CC2D2A: variants seen among roughly 807,000 people sequenced by gnomAD.
CC2D2A encodes the protein coiled-coil and C2 domain-containing protein 2A.
Under a neutral mutation model 212.9 loss-of-function variants are expected in CC2D2A, and 155 were observed. The observed-to-expected ratio is 0.73, with a 90% confidence interval of 0.64 to 0.83. The LOEUF (loss-of-function observed/expected upper bound fraction) is 0.83. Ranked by LOEUF, CC2D2A falls within the 40% of genes least tolerant of loss-of-function variation. The pLI is 0.00. For missense variants in CC2D2A, 1,856 were observed against 1,956.2 expected (o/e 0.95, Z 0.97); for synonymous variants, 667 against 686.5 (o/e 0.97, Z 0.44).
At chr4:15,505,668 C>T (rs1259731595) in intron 6 of CC2D2A, among the ~76,000 whole-genome samples, 2 of 152,192 alleles carry the variant, frequency 1.3e-5, no homozygotes, top group Non-Finnish European at 2.9e-5. Flanking sequence ...AAAATTAGTC[C>T]ATGGCTTTCT....
At chr4:15,530,225 C>G (rs1294935253) in intron 13 of CC2D2A, among the ~76,000 whole-genome samples, 1 of 152,170 alleles carries the variant, frequency 6.6e-6, no homozygotes, top group Non-Finnish European at 1.5e-5. Context: ...CCCGCCTTGG[C>G]CTCCCAAAGT....
intron 27 of CC2D2A, 39 bp from the exon 28 acceptor site, chr4:15,570,359 G>C: frequency 1.6e-6 from 2 of 1,255,942 alleles, no homozygotes; most frequent in Non-Finnish European, 2.3e-6. Context: ...TGAGTTTCTG[G>C]AGTTCTTAAG....
chr4:15,504,887 AT>A, intron 6 of CC2D2A, among the ~76,000 whole-genome samples: 1 of 152,346 alleles, frequency 6.6e-6, no homozygotes. Flanking sequence ...TATACTGTTC[AT>A]CAAAAAATAT....
intron 1 of CC2D2A, among the ~76,000 whole-genome samples, chr4:15,470,999 G>A (rs1420728177): frequency 6.6e-6 from 1 of 151,928 alleles, no homozygotes; most frequent in Non-Finnish European, 1.5e-5. Context: ...AAATGCACTG[G>A]TCATATATCA....
At chr4:15,500,099 GTGTGTGTGTATATATATATA>G (rs1210224174) in intron 4 of CC2D2A, among the ~76,000 whole-genome samples, 1 of 69,818 alleles carries the variant, frequency 1.4e-5, no homozygotes, top group African/African-American at 4.5e-5. Flanking sequence ...GTGTGTGTGT[GTGTGTGTGTATATATATATA>G]TATATATATA....
intron 2 of CC2D2A, among the ~76,000 whole-genome samples, chr4:15,478,037 C>A (rs1231792562): frequency 6.6e-6 from 1 of 152,168 alleles, no homozygotes; most frequent in Non-Finnish European, 1.5e-5. Flanking sequence ...CACCCAGGGG[C>A]ACTTGTGCCC....
In CC2D2A at chr4:15,470,354, G is replaced by T. The variant is rs147703652; in HGVS notation, c.-19+297G>T. ...CAAAGCTCTGTGAAACATTAGCTGC[G>T]TGTTGCATTTATGGGCCTTTTAGTT... On this transcript the variant is annotated intron_variant, in intron 1 of 36. Transcript: ENST00000424120. 7.8e-4 allele frequency among the ~76,000 whole-genome samples: 118 copies of T among 152,250 alleles called. 1 individual carries two copies. The highest frequency in any genetic ancestry group is 2.7e-3 in the African/African-American group (113 of 41,538).
chr4:15,573,989 C>A (rs548159432), intron 28 of CC2D2A, among the ~76,000 whole-genome samples, 161 bp from the exon 29 acceptor site: 1 of 152,136 alleles, frequency 6.6e-6, no homozygotes, highest in Admixed American at 6.5e-5. Context: ...CCCTTTCTGG[C>A]GAGTGCTTAG....
rs1455734834 is a variant in CC2D2A at position 15,540,913 on chromosome 4, T to C, written c.2080T>C (p.Ser694Pro). Residue 694 changes from serine to proline, a missense_variant, in exon 17 of 37, where the codon TCC becomes CCC. Physicochemically the swap from Ser to Pro is moderately conservative, Grantham distance 74. This residue lies in a region of CC2D2A where 1,512 missense variants were observed against 1,579.3 expected (regional missense o/e 0.96). Transcript: ENST00000424120. Reference protein sequence around the residue: ...LKVLFNNKEVSRTVSRPLGAD... With the variant: ...LKVLFNNKEVPRTVSRPLGAD... ...AGTGCTGTTCAACAACAAGGAGGTG[T>C]CCAGGACAGTCAGTCGGCCACTAGG... is the stretch of plus-strand genomic sequence containing the variant. 2 of 1,583,856 alleles carry C rather than the reference T, an allele frequency of 1.3e-6. No homozygotes were observed. Among genetic ancestry groups the C allele is most frequent in the Non-Finnish European group, 1.7e-6 (2 of 1,164,728 alleles).
intron 32 of CC2D2A, among the ~76,000 whole-genome samples, chr4:15,589,087 A>G (rs1403369126): frequency 1.3e-5 from 2 of 151,894 alleles, no homozygotes; most frequent in East Asian, 3.9e-4. Context: ...TGTTTGGTAC[A>G]TATCCTTCCA....
At position 15,599,695 on chromosome 4, in the gene CC2D2A, G is replaced by C; in HGVS notation, c.4663G>C (p.Gly1555Arg). ...CAGAGCAGAACTGCTAAAACAGCTG[G>C]GAGACTACAGGGTAAGTTACAAATG... ...DHRAELLKQL[G>R]DYRFSGFPLH... The change falls in exon 36 of 37, where the codon GGA becomes CGA. Residue 1555 changes from glycine (G) to arginine (R), a missense_variant. Gly to Arg is a moderately radical substitution (Grantham distance 125). Transcript: ENST00000424120. 6.2e-7 allele frequency: 1 copy of C among 1,607,360 alleles called. No individual in the cohort carries two copies. The highest frequency in any genetic ancestry group is 8.5e-7 in the Non-Finnish European group (1 of 1,175,212).
intron 4 of CC2D2A, among the ~76,000 whole-genome samples, chr4:15,489,680 A>G (rs999143156): frequency 2.6e-5 from 4 of 152,138 alleles, no homozygotes; most frequent in Admixed American, 2.0e-4. Context: ...AATCACTCCA[A>G]TGTAACTCAC....
chr4:15,481,011 C>T (rs1265741552), intron 4 of CC2D2A, among the ~76,000 whole-genome samples, 184 bp downstream of exon 4: 3 of 152,162 alleles, frequency 2.0e-5, no homozygotes, highest in African/African-American at 4.8e-5. Context: ...GAACACATAG[C>T]TTCAGGATGT....
rs1325653391 is a variant in CC2D2A at position 15,537,997 on chromosome 4, T to G, written c.1863T>G (p.Pro621=). 1.2e-6 allele frequency: 2 copies of G among 1,609,670 alleles called. No individual in the cohort carries two copies. The highest frequency in any genetic ancestry group is 1.7e-6 in the Non-Finnish European group (2 of 1,178,178). The change falls in exon 16 of 37, where the codon CCT becomes CCG. Residue 621 remains proline (P), a synonymous_variant. Transcript: ENST00000424120. ...YPEEDLVKPS[P]PEPTDRAVIE... ...AGGAGGACCTTGTGAAGCCCAGCCC[T>G]CCAGAGCCCACTGATCGGGCAGTGA...
At position 15,530,944 on chromosome 4, in the gene CC2D2A, A is replaced by T. The variant is rs139140385; in HGVS notation, c.1466+2218A>T. On this transcript the variant is annotated intron_variant, in intron 13 of 36. Transcript: ENST00000424120. Reference sequence around the variant, plus strand: ...CCTTATCCTCTGAACGGAAACCAGGATGTAGAAGGAAGAAAACATGAATGG... The same window carrying T: ...CCTTATCCTCTGAACGGAAACCAGGTTGTAGAAGGAAGAAAACATGAATGG... Among the ~76,000 whole-genome samples the T allele has an allele frequency of 2.4e-3, 372 of 152,328 alleles. 3 individuals carry two copies. Among genetic ancestry groups the T allele is most frequent in the Non-Finnish European group, 2.6e-3 (177 of 68,032 alleles).
intron 4 of CC2D2A, chr4:15,481,676 A>G: frequency 3.5e-6 from 2 of 576,446 alleles, no homozygotes; most frequent in Non-Finnish European, 4.4e-6. Context: ...CACAGTCTGC[A>G]GAACAGTGAG....
intron 23 of CC2D2A, among the ~76,000 whole-genome samples, chr4:15,560,871 T>A (rs1719558408): frequency 6.6e-6 from 1 of 152,156 alleles, no homozygotes; most frequent in Non-Finnish European, 1.5e-5. Context: ...TACTTCCAAA[T>A]CAACTTCATT....
chr4:15,570,178 T>G (rs1321893462), intron 27 of CC2D2A, among the ~76,000 whole-genome samples: 1 of 152,260 alleles, frequency 6.6e-6, no homozygotes. Context: ...TATAGATTGT[T>G]AAATCTCTAG....
At chr4:15,527,405 T>TAA in intron 11 of CC2D2A, 42 bp from the exon 12 acceptor site, 2 of 1,427,170 alleles carry the variant, frequency 1.4e-6, no homozygotes, top group Non-Finnish European at 2.0e-6. Flanking sequence ...ATCTAGTAAG[T>TAA]GCTTTAACTG....
Sources: gnomAD v4.1 joint callset for allele counts (sites outside exome capture counted in the v4.1 genomes callset) on GRCh38, gnomAD v4.1.1 for gene constraint, gnomAD v4.1.1 regional missense constraint, MANE v1.5 for transcripts, NCBI Gene and HGNC (gene_info 2026-07-23, HGNC 2026-07-21) for gene names.